Variants in KAZN observed in about 807,000 individuals in gnomAD.
The protein encoded by KAZN is kazrin, periplakin interacting protein, also known as kazrin.
A neutral mutation model predicts 87.4 loss-of-function variants in KAZN; 40 were observed. The observed-to-expected ratio is 0.46, with a 90% confidence interval of 0.36 to 0.60. KAZN has a LOEUF of 0.60. Among genes scored for constraint, KAZN ranks in the 20% least tolerant of loss-of-function variants. The pLI is 0.00. For missense variants in KAZN, 898 were observed against 1,073.9 expected (o/e 0.84, Z 2.29); for synonymous variants, 466 against 458.3 (o/e 1.02, Z -0.22).
At chr1:15,048,239 C>T (rs142244334) in intron 4 of KAZN, among the ~76,000 whole-genome samples, 29 of 152,326 alleles carry the variant, frequency 1.9e-4, no homozygotes, top group East Asian at 1.5e-3. Flanking sequence ...CTTCTGCAGA[C>T]GTTTCCCAAG....
chr1:14,705,774 G>T (rs1366558627), intron 1 of KAZN, among the ~76,000 whole-genome samples: 1 of 152,180 alleles, frequency 6.6e-6, no homozygotes, highest in Admixed American at 6.5e-5. Context: ...CAGAGAAGGG[G>T]AGTAGGGAAG....
At chr1:14,706,738 A>C (rs1353353500) in intron 1 of KAZN, among the ~76,000 whole-genome samples, 1 of 152,246 alleles carries the variant, frequency 6.6e-6, no homozygotes. Context: ...CACTCAGCAC[A>C]TAACAGTTTC....
intron 2 of KAZN, among the ~76,000 whole-genome samples, chr1:14,215,177 CAAA>C (rs937240222): frequency 3.9e-5 from 6 of 152,246 alleles, no homozygotes; most frequent in African/African-American, 1.4e-4. Context: ...TTTGAAGTGA[CAAA>C]GCCCTTCAGG....
At chr1:14,170,640 AC>A (rs1332058722) in intron 1 of KAZN, among the ~76,000 whole-genome samples, 1 of 152,198 alleles carries the variant, frequency 6.6e-6, no homozygotes, top group Admixed American at 6.5e-5. Context: ...TAGTCCCAGA[AC>A]CTTTTTATTG....
Position 14,931,848 on chromosome 1 carries a change from C to T in KAZN, c.227-28836C>T, listed in dbSNP as rs530841831. ...GCACCTTTTCACTCCCACCAGTGGC[C>T]CAAAGTACACAGTCAGGTAGATGGA... On this transcript the variant is annotated intron_variant, in intron 1 of 14. Coordinates refer to ENST00000376030, the MANE Select transcript of KAZN (RefSeq NM_201628.3). Among the ~76,000 whole-genome samples the T allele has an allele frequency of 5.9e-5, 9 of 152,258 alleles. No homozygotes were observed. The South Asian group carries it at 1.5e-3, about 25-fold the overall frequency.
chr1:14,364,956 TG>T (rs1243065384), intron 2 of KAZN, among the ~76,000 whole-genome samples: 2 of 152,156 alleles, frequency 1.3e-5, no homozygotes, highest in South Asian at 2.1e-4. Context: ...TTGGCCAGGA[TG>T]GTCTTGAACT....
chr1:14,643,950 T>G (rs1368731619), intron 1 of KAZN, among the ~76,000 whole-genome samples: 1 of 152,022 alleles, frequency 6.6e-6, no homozygotes, highest in Admixed American at 6.6e-5. Flanking sequence ...ATATTCTTCT[T>G]GGCCACATGT....
At chr1:14,666,036 AT>A (rs1386192647) in intron 1 of KAZN, among the ~76,000 whole-genome samples, 1 of 151,820 alleles carries the variant, frequency 6.6e-6, no homozygotes, top group African/African-American at 2.4e-5. Flanking sequence ...CATCCTTGGA[AT>A]TTAAAAAAAA....
intron 1 of KAZN, among the ~76,000 whole-genome samples, chr1:14,051,252 G>GT (rs924368561): frequency 8.5e-5 from 13 of 152,158 alleles, no homozygotes; most frequent in African/African-American, 3.1e-4. Flanking sequence ...GATATCAAGG[G>GT]TGGGGTGATT....
intron 1 of KAZN, among the ~76,000 whole-genome samples, chr1:13,909,541 C>T (rs1010768053): frequency 6.6e-6 from 1 of 151,680 alleles, no homozygotes. Context: ...CTTCTTGCAC[C>T]CTGCTTTGCC....
chr1:14,767,256 C>G (rs1459162279), intron 1 of KAZN, among the ~76,000 whole-genome samples: 1 of 152,126 alleles, frequency 6.6e-6, no homozygotes, highest in Non-Finnish European at 1.5e-5. Flanking sequence ...TCTTATCTGC[C>G]CACAGTTGAA....
chr1:14,522,538 G>A (rs1398655013), intron 2 of KAZN, among the ~76,000 whole-genome samples: 1 of 152,090 alleles, frequency 6.6e-6, no homozygotes, highest in Non-Finnish European at 1.5e-5. Context: ...TTGGTCTCTT[G>A]GATTATGCAA....
intron 2 of KAZN, among the ~76,000 whole-genome samples, chr1:14,517,434 C>T (rs1284805595): frequency 6.6e-6 from 1 of 152,200 alleles, no homozygotes; most frequent in East Asian, 1.9e-4. Flanking sequence ...TGCCCCTGGA[C>T]TTTCCAATTT....
chr1:14,527,682 G>T (rs1175772877), intron 2 of KAZN, among the ~76,000 whole-genome samples: 1 of 152,154 alleles, frequency 6.6e-6, no homozygotes, highest in Non-Finnish European at 1.5e-5. Context: ...TAGAGGGGAA[G>T]AGAAGCCAGC....
chr1:14,203,157 T>C (rs932510699), intron 2 of KAZN, among the ~76,000 whole-genome samples: 1 of 152,104 alleles, frequency 6.6e-6, no homozygotes, highest in Non-Finnish European at 1.5e-5. Flanking sequence ...TAAGTGGTTA[T>C]GGACTGTATT....
chr1:14,467,332 T>TA (rs553802717), intron 2 of KAZN, among the ~76,000 whole-genome samples: 30,841 of 145,352 alleles, frequency 0.21, 3,860 homozygotes, highest in East Asian at 0.53. Context: ...AAATATATTA[T>TA]AAAAAAAAAA....
At chr1:14,756,522 G>A (rs1011812083) in intron 1 of KAZN, among the ~76,000 whole-genome samples, 1 of 152,196 alleles carries the variant, frequency 6.6e-6, no homozygotes, top group Non-Finnish European at 1.5e-5. Context: ...CCAGGATCTT[G>A]CCCCATAAGT....
At chr1:14,093,857 A>G (rs1231779669) in intron 1 of KAZN, among the ~76,000 whole-genome samples, 1 of 152,174 alleles carries the variant, frequency 6.6e-6, no homozygotes, top group African/African-American at 2.4e-5. Context: ...TTGGACAAAA[A>G]GAAAAGATCT....
intron 2 of KAZN, among the ~76,000 whole-genome samples, chr1:15,025,500 C>A (rs1671073936): frequency 6.6e-6 from 1 of 152,248 alleles, no homozygotes; most frequent in Non-Finnish European, 1.5e-5. Flanking sequence ...GCAAACCTGC[C>A]CTGTTTCCCT....
Sources: gnomAD v4.1 joint callset for allele counts (sites outside exome capture counted in the v4.1 genomes callset) on GRCh38, gnomAD v4.1.1 for gene constraint, MANE v1.5 for transcripts, NCBI Gene and HGNC (gene_info 2026-07-23, HGNC 2026-07-21) for gene names.